The following SASH1 variants were observed in gnomAD, a reference collection of about 807,000 sequenced individuals.
The protein encoded by SASH1 is SAM and SH3 domain-containing protein 1.
Under a neutral mutation model 125.2 loss-of-function variants are expected in SASH1, and 44 were observed. The ratio of observed to expected loss-of-function variants is 0.35; its 90% CI spans 0.28 to 0.45. SASH1 has a LOEUF of 0.45. SASH1 is among the 20% of genes least tolerant of loss of function. The pLI is 1.00. For missense variants in SASH1, 1,426 were observed against 1,614.5 expected, an observed-to-expected ratio of 0.88 and a Z score of 2.00; for synonymous variants, 639 against 649.1, an observed-to-expected ratio of 0.98 and a Z score of 0.24.
intron 1 of SASH1, among the ~76,000 whole-genome samples, chr6:148,361,428 C>T (rs1010501833): frequency 6.6e-6 from 1 of 152,086 alleles, no homozygotes; most frequent in East Asian, 1.9e-4. Flanking sequence ...CATGGAGAAA[C>T]CCTGTCTCTA....
chr6:148,205,016 G>A, the SASH1 span, among the ~76,000 whole-genome samples: 3 of 152,206 alleles, frequency 2.0e-5, no homozygotes, highest in South Asian at 2.1e-4. Flanking sequence ...TCTGTCCAGC[G>A]TGCTTTGTCC....
chr6:148,457,060 C>CA (rs111593911), intron 4 of SASH1, among the ~76,000 whole-genome samples: 399 of 105,474 alleles, frequency 3.8e-3, no homozygotes, highest in Middle Eastern at 9.8e-3. Context: ...TTCCTTAAGA[C>CA]AAAAAAAAAA....
chr6:148,293,408 T>G (rs1277058697), intron 1 of SASH1, among the ~76,000 whole-genome samples: 1 of 152,202 alleles, frequency 6.6e-6, no homozygotes, highest in Non-Finnish European at 1.5e-5. Context: ...CCTTGAACTG[T>G]TTGCTTATTC....
intron 1 of SASH1, among the ~76,000 whole-genome samples, chr6:148,387,454 T>C (rs556867063): frequency 6.6e-6 from 1 of 151,424 alleles, no homozygotes; most frequent in South Asian, 2.1e-4. Context: ...TCTCTTCCCT[T>C]TTCTTCTCTT....
intron 1 of SASH1, among the ~76,000 whole-genome samples, chr6:148,381,974 TAAAC>T (rs1479813543): frequency 1.3e-5 from 2 of 152,166 alleles, no homozygotes; most frequent in Non-Finnish European, 2.9e-5. Flanking sequence ...TGATATCCTT[TAAAC>T]AAATGCAAGT....
intron 1 of SASH1, among the ~76,000 whole-genome samples, chr6:148,337,398 G>T (rs1210167652): frequency 6.6e-6 from 1 of 151,946 alleles, no homozygotes; most frequent in Non-Finnish European, 1.5e-5. Context: ...AAATTTTTTT[G>T]TATTTTTAGT....
At chr6:148,206,042 T>C in the SASH1 span, among the ~76,000 whole-genome samples, 1 of 152,204 alleles carries the variant, frequency 6.6e-6, no homozygotes, top group Non-Finnish European at 1.5e-5. Flanking sequence ...TAAAAATATA[T>C]ATATAGAAAG....
chr6:148,221,534 CACA>C, the SASH1 span, among the ~76,000 whole-genome samples: 2 of 152,190 alleles, frequency 1.3e-5, no homozygotes, highest in African/African-American at 4.8e-5. Flanking sequence ...CTGATTTTTA[CACA>C]ACATTTCTCC....
chr6:148,440,659 A>G, intron 4 of SASH1: 1 of 487,162 alleles, frequency 2.1e-6, no homozygotes, highest in Non-Finnish European at 3.6e-6. Flanking sequence ...CCCTAAATAA[A>G]TCTCCGGAAA....
the SASH1 span, among the ~76,000 whole-genome samples, chr6:148,225,109 G>A: frequency 2.6e-5 from 4 of 152,168 alleles, no homozygotes; most frequent in Non-Finnish European, 4.4e-5. Flanking sequence ...CTGGTTATGG[G>A]TGGAAAGAAG....
In SASH1 at chr6:148,529,005, G is replaced by A. The variant is rs112971077; in HGVS notation, c.1428+1409G>A. Among the ~76,000 whole-genome samples the A allele has an allele frequency of 0.03, 4,567 of 152,022 alleles. 81 individuals are homozygous for A. The highest frequency in any genetic ancestry group is 0.037 in the African/African-American group (1,522 of 41,450). ...AAACAGCGTGCAACCTAGATGCCTC[G>A]TGTGCACAATTCACAATAGGATTCG... On this transcript the variant is annotated intron_variant, in intron 12 of 19. Transcript: ENST00000367467. This position sits in a 1 kb window ranked among gnomAD's most constrained non-coding sequence, Gnocchi z 4.2.
At chr6:148,517,583 C>T (rs1309972287) in intron 9 of SASH1, among the ~76,000 whole-genome samples, 3 of 152,188 alleles carry the variant, frequency 2.0e-5, no homozygotes, top group South Asian at 2.1e-4. Flanking sequence ...CAGGCTCAGA[C>T]GGAAAAGCCC....
At chr6:148,405,344 C>G (rs900132866) in intron 2 of SASH1, among the ~76,000 whole-genome samples, 1 of 152,084 alleles carries the variant, frequency 6.6e-6, no homozygotes, top group African/African-American at 2.4e-5. Flanking sequence ...ATAGAAAGCT[C>G]CCCTCCAACT....
chr6:148,255,528 C>T, the SASH1 span, among the ~76,000 whole-genome samples: 1 of 152,288 alleles, frequency 6.6e-6, no homozygotes, highest in East Asian at 1.9e-4. Context: ...TCCTCTTATA[C>T]ACAGGCAAAT....
intron 16 of SASH1, among the ~76,000 whole-genome samples, chr6:148,535,339 CT>C (rs1781779088): frequency 6.6e-6 from 1 of 152,264 alleles, no homozygotes; most frequent in East Asian, 1.9e-4. Flanking sequence ...ACTTTCAGTA[CT>C]TTTGAGAGGT....
At chr6:148,371,837 A>G (rs906783119) in intron 1 of SASH1, among the ~76,000 whole-genome samples, 10 of 152,190 alleles carry the variant, frequency 6.6e-5, no homozygotes, top group African/African-American at 2.2e-4. Flanking sequence ...CTAATGGCCT[A>G]CTGAGAATCT....
At chr6:148,425,579 G>A (rs1308949120) in intron 2 of SASH1, among the ~76,000 whole-genome samples, 1 of 152,026 alleles carries the variant, frequency 6.6e-6, no homozygotes, top group Non-Finnish European at 1.5e-5. Flanking sequence ...TTTCAAAGAA[G>A]TAAGCTCAAC....
chr6:148,215,016 G>A, the SASH1 span, among the ~76,000 whole-genome samples: 7 of 152,098 alleles, frequency 4.6e-5, no homozygotes, highest in African/African-American at 9.7e-5. Context: ...GGAGTCTGGC[G>A]GGCTCGTTCC....
chr6:148,322,927 C>CTCTCTTTTG (rs1780685053), intron 1 of SASH1, among the ~76,000 whole-genome samples: 1 of 117,348 alleles, frequency 8.5e-6, no homozygotes, highest in Non-Finnish European at 1.8e-5. Flanking sequence ...TTTTCTTTCT[C>CTCTCTTTTG]TCTTTCTTTT....
Sources: allele counts gnomAD v4.1 joint callset (sites outside exome capture counted in the v4.1 genomes callset), GRCh38; gene constraint gnomAD v4.1.1; non-coding constraint Gnocchi (gnomAD v3.1); transcripts MANE v1.5; gene names NCBI Gene and HGNC (gene_info 2026-07-23, HGNC 2026-07-21).